ZNF24: variants seen among roughly 807,000 people sequenced by gnomAD.
The protein encoded by ZNF24 is retinoic acid suppression protein A.
A neutral mutation model predicts 40.9 loss-of-function variants in ZNF24; 11 were observed. The observed-to-expected ratio is 0.27, with a 90% confidence interval of 0.17 to 0.45. The LOEUF (loss-of-function observed/expected upper bound fraction) is 0.45. Among genes scored for constraint, ZNF24 ranks in the 20% least tolerant of loss-of-function variants. The pLI, the probability that ZNF24 is intolerant of heterozygous loss-of-function variation, is 1.00. For synonymous variants in ZNF24, 139 were observed against 154.7 expected, an observed-to-expected ratio of 0.90 and a Z score of 0.75; for missense variants, 293 against 437.7, an observed-to-expected ratio of 0.67 and a Z score of 2.95.
intron 1 of ZNF24, 36 bp downstream of exon 1, chr18:35,344,324 G>C (rs1488039994): frequency 6.6e-6 from 1 of 152,274 alleles, no homozygotes; most frequent in African/African-American, 2.4e-5. Context: ...CCCTAGCCCG[G>C]TGTCCCCCCT....
rs1333912586 is a variant in ZNF24, at chr18:35,334,023, T to C, written c.*3209A>G. 6.6e-6 allele frequency: 1 copy of C among 152,186 alleles called. No homozygotes were observed. The highest frequency in any genetic ancestry group is 1.5e-5 in the Non-Finnish European group (1 of 68,040). 9.4% of individuals were successfully genotyped at this position (152,186 alleles called of 1,614,324 possible). A position where few individuals can be genotyped will look rare whatever the true frequency, so the allele number is the denominator to read the frequency against. Reference sequence around the variant, plus strand: ...CTGAGGATTAAGAGTTAATCCATGATAAAGCACTTCAAATAGTGCCTGTCA... The same window carrying C: ...CTGAGGATTAAGAGTTAATCCATGACAAAGCACTTCAAATAGTGCCTGTCA... On this transcript the variant is annotated 3_prime_UTR_variant, in exon 4 of 4. Transcript: ENST00000261332.
intron 3 of ZNF24, 96 bp downstream of exon 3, chr18:35,339,733 G>T: frequency 2.6e-6 from 3 of 1,134,680 alleles, no homozygotes; most frequent in South Asian, 4.6e-5. Flanking sequence ...GATTAAGAGT[G>T]ATATGATCCC....
In ZNF24 at chr18:35,344,381, G is replaced by A. The variant is rs2044998962; in HGVS notation, c.-105C>T. On this transcript the variant is annotated 5_prime_UTR_variant, in exon 1 of 4. Coordinates refer to ENST00000261332, the MANE Select transcript of ZNF24 (RefSeq NM_006965.4). ...ACACCGGCGCAAACCTCCGGCTCAG[G>A]AACCGCAGCAGCTTCGCTGTCCACG... 1 of 152,388 alleles carries A rather than the reference G, an allele frequency of 6.6e-6. No homozygotes were observed. Among genetic ancestry groups the A allele is most frequent in the South Asian group, 2.1e-4 (1 of 4,840 alleles). The allele number at this position is 152,388 out of a possible 1,614,324, so 9.4% of individuals were successfully genotyped here. A position where few individuals can be genotyped will look rare whatever the true frequency, so the allele number is the denominator to read the frequency against.
At chr18:35,342,443 G>A (rs1309802943) in intron 1 of ZNF24, 1 of 152,094 alleles carries the variant, frequency 6.6e-6, no homozygotes, top group Non-Finnish European at 1.5e-5. Context: ...GTACAATAAT[G>A]TCCCAGGCCT....
At chr18:35,342,205 A>G (rs1339401949) in intron 1 of ZNF24, among the ~76,000 whole-genome samples, 3 of 152,156 alleles carry the variant, frequency 2.0e-5, no homozygotes, top group Non-Finnish European at 4.4e-5. Context: ...TAAAAAAAAA[A>G]AAGCAAAAAG....
rs2044870820 is a variant in ZNF24, at chr18:35,332,909, T to G, written c.*4323A>C. 6.6e-6 allele frequency: 1 copy of G among 152,430 alleles called. No homozygotes were observed. 9.4% of individuals were successfully genotyped at this position (152,430 alleles called of 1,614,324 possible). A position where few individuals can be genotyped will look rare whatever the true frequency, so the allele number is the denominator to read the frequency against. ...TGAAAATAACCCCAATCTCACCATT[T>G]TTTTTTATAATCAGGGAAATGCAAA... On this transcript the variant is annotated 3_prime_UTR_variant, in exon 4 of 4. Transcript: ENST00000261332.
In ZNF24 at chr18:35,340,007, G is replaced by C. The variant is rs2044952115; in HGVS notation, c.421-31C>G. On this transcript the variant is annotated intron_variant, in intron 2 of 3. Transcript: ENST00000261332. The surrounding 1 kb of genome is among the most constrained non-coding windows in gnomAD (Gnocchi z 4.6). ...AACAGAAAGATTTGATTCAGAGAAGGAACTGTAATGAGAATCAGAACTAAA... is the reference window on the plus strand; with the variant it reads ...AACAGAAAGATTTGATTCAGAGAAGCAACTGTAATGAGAATCAGAACTAAA... The C allele has an allele frequency of 5.0e-6, 8 of 1,591,050 alleles. No individual in the cohort carries two copies. Among genetic ancestry groups the C allele is most frequent in the Middle Eastern group, 3.3e-4 (2 of 5,980 alleles).
Position 35,333,098 on chromosome 18 carries a change from A to G in ZNF24, c.*4134T>C, listed in dbSNP as rs1375137957. The G allele has an allele frequency of 2.0e-5, 3 of 152,180 alleles. No homozygotes were observed. Among genetic ancestry groups the G allele is most frequent in the African/African-American group, 7.2e-5 (3 of 41,444 alleles). The allele number at this position is 152,180 out of a possible 1,614,324, so 9.4% of individuals were successfully genotyped here. A position where few individuals can be genotyped will look rare whatever the true frequency, so the allele number is the denominator to read the frequency against. On this transcript the variant is annotated 3_prime_UTR_variant, in exon 4 of 4. Coordinates refer to ENST00000261332, the MANE Select transcript of ZNF24 (RefSeq NM_006965.4). ...AACAAACCCTTTGATCCAAAAATCCACCTTACTGGACTCCAGACTAAAGAA... is the reference window on the plus strand; with the variant it reads ...AACAAACCCTTTGATCCAAAAATCCGCCTTACTGGACTCCAGACTAAAGAA...
At position 35,340,448 on chromosome 18, in the gene ZNF24, T is replaced by C. The variant is rs772456362; in HGVS notation, c.203A>G (p.Glu68Gly). ...AAGTTCTCGGAGCTGGCTCACAGCCTCACGGGGCCCAGGTGAATCCTGGTA... is the reference window on the plus strand; with the variant it reads ...AAGTTCTCGGAGCTGGCTCACAGCCCCACGGGGCCCAGGTGAATCCTGGTA... ...FGYQDSPGPR[E>G]AVSQLRELCR... The change falls in exon 2 of 4, where the codon GAG becomes GGG. Residue 68 changes from glutamate to glycine, a missense_variant. Coordinates refer to ENST00000261332, the MANE Select transcript of ZNF24 (RefSeq NM_006965.4). This position sits in a 1 kb window ranked among gnomAD's most constrained non-coding sequence, Gnocchi z 4.6. 1 of 1,614,248 alleles carries C rather than the reference T, an allele frequency of 6.2e-7. No individual in the cohort carries two copies. Among genetic ancestry groups the C allele is most frequent in the Non-Finnish European group, 8.5e-7 (1 of 1,180,038 alleles).
At position 35,335,101 on chromosome 18, in the gene ZNF24, G is replaced by A. The variant is rs1391422587; in HGVS notation, c.*2131C>T. 1 of 152,090 alleles carries A rather than the reference G, an allele frequency of 6.6e-6. No individual in the cohort carries two copies. Among genetic ancestry groups the A allele is most frequent in the African/African-American group, 2.4e-5 (1 of 41,404 alleles). 9.4% of individuals were successfully genotyped at this position (152,090 alleles called of 1,614,324 possible). On this transcript the variant is annotated 3_prime_UTR_variant, in exon 4 of 4. Coordinates refer to ENST00000261332, the MANE Select transcript of ZNF24 (RefSeq NM_006965.4). ...AAGCATGACATAATAGCCATTGAGA[G>A]GTTGCTCCCTTCTTACCTACTCTGA...
rs542121808 is a variant in ZNF24 at position 35,332,650 on chromosome 18, C to A, written c.*4582G>T. The stretch of plus-strand genomic sequence containing the variant: ...TCCTTAGCCTGGCTTAAGTTATATA[C>A]CCATTCTTTTATCACTGTGGCTAGG... On this transcript the variant is annotated 3_prime_UTR_variant, in exon 4 of 4. Coordinates refer to ENST00000261332, the MANE Select transcript of ZNF24 (RefSeq NM_006965.4). 2 of 152,614 alleles carry A rather than the reference C, an allele frequency of 1.3e-5. No homozygotes were observed. The highest frequency in any genetic ancestry group is 4.8e-5 in the African/African-American group (2 of 41,444). 9.5% of individuals were successfully genotyped at this position (152,614 alleles called of 1,614,324 possible). A position where few individuals can be genotyped will look rare whatever the true frequency, so the allele number is the denominator to read the frequency against.
rs541448808 is a variant in ZNF24 at position 35,336,229 on chromosome 18, C to G, written c.*1003G>C. ...AATAAATGCATGGCTGCTTTTTTAG[C>G]CTGACGTTCAACCCTTTTGTACCAA... On this transcript the variant is annotated 3_prime_UTR_variant, in exon 4 of 4. Transcript: ENST00000261332. The G allele has an allele frequency of 1.3e-5, 2 of 152,596 alleles. No individual in the cohort carries two copies. Among genetic ancestry groups the G allele is most frequent in the African/African-American group, 2.4e-5 (1 of 41,428 alleles). The allele number at this position is 152,596 out of a possible 1,614,324, so 9.5% of individuals were successfully genotyped here. A position where few individuals can be genotyped will look rare whatever the true frequency, so the allele number is the denominator to read the frequency against.
chr18:35,338,306 G>C (rs2044931339), intron 3 of ZNF24: 1 of 985,384 alleles, frequency 1.0e-6, no homozygotes, highest in African/African-American at 1.7e-5. Context: ...AGGGGCTGAA[G>C]ATAAGCTGGG....
At position 35,340,219 on chromosome 18, in the gene ZNF24, A is replaced by C. The variant is rs1569103773; in HGVS notation, c.420+12T>G. 2 of 1,607,218 alleles carry C rather than the reference A, an allele frequency of 1.2e-6. No homozygotes were observed. The highest frequency in any genetic ancestry group is 1.3e-5 in the African/African-American group (1 of 74,828). ...GTGCTTCTGACACAGGAAATGACACAAGCAGGCTCACCGGTTGTCCAGGGT... is the reference window on the plus strand; with the variant it reads ...GTGCTTCTGACACAGGAAATGACACCAGCAGGCTCACCGGTTGTCCAGGGT... On this transcript the variant is annotated intron_variant, in intron 2 of 3. Coordinates refer to ENST00000261332, the MANE Select transcript of ZNF24 (RefSeq NM_006965.4). The surrounding 1 kb of genome is among the most constrained non-coding windows in gnomAD (Gnocchi z 4.6).
At chr18:35,337,876 A>T in intron 3 of ZNF24, 106 bp from the exon 4 acceptor site, 1 of 938,002 alleles carries the variant, frequency 1.1e-6, no homozygotes, top group Admixed American at 2.8e-5. Flanking sequence ...ACACATCTAT[A>T]AACCACTCTG....
Position 35,337,629 on chromosome 18 carries a change from C to G in ZNF24, c.710G>C (p.Gly237Ala). The G allele has an allele frequency of 3.1e-6, 5 of 1,614,060 alleles. No individual in the cohort carries two copies. Among genetic ancestry groups the G allele is most frequent in the Non-Finnish European group, 8.5e-7 (1 of 1,179,996 alleles). Residue 237 changes from glycine (G) to alanine (A), a missense_variant, in exon 4 of 4, where the codon GGC becomes GCC. By Grantham distance (60) the Gly-to-Ala change is moderately conservative. Around this residue, in one of 2 missense-constraint regions of ZNF24, gnomAD observed 234 missense variants for 299.2 expected, o/e 0.78. Transcript: ENST00000261332. ...GGGATTTCTCTTTCTTTCAAACCTG[C>G]CCTTGGGGAAACAGGTTTCTCCATA... ...FKYGETCFPK[G>A]RFERKRNPSR...
At position 35,340,576 on chromosome 18, in the gene ZNF24, T is replaced by A. The variant is rs1388694123; in HGVS notation, c.75A>T (p.Arg25Ser). The A allele has an allele frequency of 1.2e-6, 2 of 1,614,092 alleles. No homozygotes were observed. The highest frequency in any genetic ancestry group is 2.7e-5 in the African/African-American group (2 of 74,930). The change falls in exon 2 of 4, where the codon AGA becomes AGT. Residue 25 changes from arginine (R) to serine (S), a missense_variant. Transcript: ENST00000261332. This position sits in a 1 kb window ranked among gnomAD's most constrained non-coding sequence, Gnocchi z 4.6. ...PTPDEEEKIL[R>S]VKLEEDPDGE... ...CATCAGGATCCTCCTCCAACTTCAC[T>A]CTCAGAATTTTTTCCTCTTCATCTG...
intron 1 of ZNF24, among the ~76,000 whole-genome samples, chr18:35,342,114 T>C (rs2044973860): frequency 6.6e-6 from 1 of 151,978 alleles, no homozygotes; most frequent in Non-Finnish European, 1.5e-5. Flanking sequence ...GAGAATCTCT[T>C]GAACCCGCGA....
chr18:35,338,730 G>A (rs1346080533), intron 3 of ZNF24: 14 of 1,180,080 alleles, frequency 1.2e-5, no homozygotes, highest in Non-Finnish European at 1.5e-5. Context: ...AAACAGAGGA[G>A]CGTGAAGATT....
Sources: gnomAD v4.1 joint callset for allele counts (sites outside exome capture counted in the v4.1 genomes callset) on GRCh38, gnomAD v4.1.1 for gene constraint, gnomAD v4.1.1 regional missense constraint, Gnocchi (gnomAD v3.1) non-coding constraint, MANE v1.5 for transcripts, NCBI Gene and HGNC (gene_info 2026-07-23, HGNC 2026-07-21) for gene names.